The following ST3GAL3 variants were observed in gnomAD, a reference collection of about 807,000 sequenced individuals.
ST3GAL3 encodes the protein ST3 beta-galactoside alpha-2,3-sialyltransferase 3.
In ST3GAL3, 21 loss-of-function variants were observed where a neutral mutation model predicts 50.1. The observed-to-expected ratio is 0.42, with a 90% CI of 0.30 to 0.60. The LOEUF (loss-of-function observed/expected upper bound fraction) is 0.60. Among genes scored for constraint, ST3GAL3 ranks in the 20% least tolerant of loss-of-function variants. ST3GAL3 has a pLI of 0.19. For synonymous variants in ST3GAL3, 183 were observed against 190.0 expected (o/e 0.96, Z 0.30); for missense variants, 353 against 489.4 (o/e 0.72, Z 2.63).
chr1:43,830,730 C>T (rs1412953683), intron 4 of ST3GAL3, among the ~76,000 whole-genome samples: 1 of 152,182 alleles, frequency 6.6e-6, no homozygotes, highest in Admixed American at 6.5e-5. Flanking sequence ...TAACAAGTTC[C>T]TGCACATAGA....
At chr1:43,853,940 G>C (rs767817646) in intron 5 of ST3GAL3, among the ~76,000 whole-genome samples, 3 of 152,150 alleles carry the variant, frequency 2.0e-5, no homozygotes, top group Non-Finnish European at 4.4e-5. Context: ...GACTTTAAAA[G>C]CTTGTGGGCT....
chr1:43,909,179 A>G (rs2080347541), intron 9 of ST3GAL3, among the ~76,000 whole-genome samples: 1 of 152,218 alleles, frequency 6.6e-6, no homozygotes, highest in Admixed American at 6.5e-5. Context: ...CCAGAGTGCA[A>G]CAGTACCTTC....
intron 5 of ST3GAL3, among the ~76,000 whole-genome samples, chr1:43,886,855 TTTG>T (rs1443727488): frequency 1.3e-5 from 2 of 152,212 alleles, no homozygotes; most frequent in East Asian, 3.8e-4. Context: ...TGTTTGTTTG[TTTG>T]TTTGTTTGTT....
intron 3 of ST3GAL3, among the ~76,000 whole-genome samples, chr1:43,794,992 G>A (rs1174734450): frequency 6.6e-6 from 1 of 151,856 alleles, no homozygotes; most frequent in Non-Finnish European, 1.5e-5. Flanking sequence ...GTACAGGGGG[G>A]CTTCTAGTGT....
chr1:43,817,401 T>TCTC (rs1558434313), intron 4 of ST3GAL3, among the ~76,000 whole-genome samples: 1 of 20,400 alleles, frequency 4.9e-5, no homozygotes, highest in Non-Finnish European at 9.4e-5. Flanking sequence ...TCCTCCTTTT[T>TCTC]CTCCTTCTTC....
chr1:43,743,305 C>T (rs962869988), intron 2 of ST3GAL3, among the ~76,000 whole-genome samples: 2 of 151,282 alleles, frequency 1.3e-5, no homozygotes, highest in Non-Finnish European at 2.9e-5. Context: ...AACCTAGGTA[C>T]ATCATAGTTA....
intron 5 of ST3GAL3, among the ~76,000 whole-genome samples, chr1:43,861,858 G>A (rs568379416): frequency 1.1e-4 from 16 of 152,166 alleles, no homozygotes; most frequent in South Asian, 2.1e-4. Context: ...GAGAAACCCC[G>A]TCTCTACTAA....
intron 4 of ST3GAL3, among the ~76,000 whole-genome samples, chr1:43,830,920 A>G (rs1476496199): frequency 6.6e-6 from 1 of 152,260 alleles, no homozygotes; most frequent in Admixed American, 6.5e-5. Context: ...AATTCAGATG[A>G]ATCTAGAAGG....
chr1:43,718,556 A>G (rs914524340), intron 1 of ST3GAL3, among the ~76,000 whole-genome samples: 6 of 150,338 alleles, frequency 4.0e-5, no homozygotes, highest in African/African-American at 1.5e-4. Flanking sequence ...AGAACATTAC[A>G]TTTTTACTGA....
At chr1:43,758,586 A>C (rs1689008644) in intron 2 of ST3GAL3, among the ~76,000 whole-genome samples, 1 of 152,210 alleles carries the variant, frequency 6.6e-6, no homozygotes, top group Non-Finnish European at 1.5e-5. Context: ...GACAGCATTA[A>C]GATTTAAAGT....
intron 5 of ST3GAL3, among the ~76,000 whole-genome samples, chr1:43,889,058 T>C (rs931872532): frequency 6.6e-6 from 1 of 152,156 alleles, no homozygotes; most frequent in Admixed American, 6.5e-5. Context: ...TAAAATAAGG[T>C]ACATAATCAA....
At chr1:43,857,499 CCCT>C (rs751938975) in intron 5 of ST3GAL3, among the ~76,000 whole-genome samples, 9,572 of 133,642 alleles carry the variant, frequency 0.072, 555 homozygotes, top group East Asian at 0.17. Context: ...TTCCTTCCTT[CCCT>C]CTTCCTTCCT....
At chr1:43,751,078 C>A (rs1685878439) in intron 2 of ST3GAL3, among the ~76,000 whole-genome samples, 1 of 151,948 alleles carries the variant, frequency 6.6e-6, no homozygotes, top group South Asian at 2.1e-4. Flanking sequence ...TGATAAAATG[C>A]AGGAACATCT....
chr1:43,824,251 G>C (rs913931902), intron 4 of ST3GAL3, among the ~76,000 whole-genome samples: 5 of 151,984 alleles, frequency 3.3e-5, no homozygotes, highest in African/African-American at 1.2e-4. Flanking sequence ...CTGTCAGGTG[G>C]CCCCTTCCTT....
chr1:43,821,393 G>A (rs1426513687), intron 4 of ST3GAL3, among the ~76,000 whole-genome samples: 2 of 152,118 alleles, frequency 1.3e-5, no homozygotes, highest in Admixed American at 6.5e-5. Flanking sequence ...TGTAAAAATG[G>A]CGTTTTCCCG....
chr1:43,773,959 G>A (rs556425904), intron 2 of ST3GAL3, among the ~76,000 whole-genome samples: 2 of 152,272 alleles, frequency 1.3e-5, no homozygotes, highest in South Asian at 4.1e-4. Context: ...AAAAAAATCA[G>A]ATGAATTCAA....
At chr1:43,733,867 G>A (rs1050646892) in intron 1 of ST3GAL3, among the ~76,000 whole-genome samples, 1 of 152,242 alleles carries the variant, frequency 6.6e-6, no homozygotes, top group Non-Finnish European at 1.5e-5. Context: ...TGTAATCCCA[G>A]CACTTTGGGA....
chr1:43,815,908 T>G (rs2061177204), intron 4 of ST3GAL3, among the ~76,000 whole-genome samples: 2 of 151,576 alleles, frequency 1.3e-5, no homozygotes, highest in Non-Finnish European at 2.9e-5. Context: ...GATGGATGGA[T>G]GGATGGATGG....
intron 2 of ST3GAL3, among the ~76,000 whole-genome samples, chr1:43,780,424 C>A (rs1698995834): frequency 6.6e-6 from 1 of 151,962 alleles, no homozygotes; most frequent in South Asian, 2.1e-4. Context: ...CTCAGAGGGC[C>A]CTTTTAAGCT....
Sources: gnomAD v4.1 joint callset for allele counts (sites outside exome capture counted in the v4.1 genomes callset) on GRCh38, gnomAD v4.1.1 for gene constraint, MANE v1.5 for transcripts, NCBI Gene and HGNC (gene_info 2026-07-23, HGNC 2026-07-21) for gene names.